The following CNNM2 variants were observed in gnomAD, a reference collection of about 807,000 sequenced individuals.
The protein encoded by CNNM2 is cyclin and CBS domain divalent metal cation transport mediator 2.
A neutral mutation model predicts 66.9 loss-of-function variants in CNNM2; 12 were observed. That is an observed-to-expected ratio of 0.18 (90% CI 0.11 to 0.29). CNNM2 has a LOEUF of 0.29. Ranked by LOEUF, CNNM2 falls within the 10% of genes least tolerant of loss-of-function variation. The pLI is 1.00. For synonymous variants in CNNM2, 557 were observed against 501.8 expected (o/e 1.11, Z -1.47); for missense variants, 705 against 1,167.7 (o/e 0.60, Z 5.77).
intron 1 of CNNM2, among the ~76,000 whole-genome samples, chr10:103,015,699 C>A (rs1419719899): frequency 6.6e-6 from 1 of 151,980 alleles, no homozygotes; most frequent in Non-Finnish European, 1.5e-5. Flanking sequence ...ACTAAAAATA[C>A]AAGATTAGCC....
rs1255657244 is a variant in CNNM2, at chr10:103,080,681, C to T, written c.*3501C>T. 1 of 152,190 alleles carries T rather than the reference C, an allele frequency of 6.6e-6. No individual in the cohort carries two copies. Among genetic ancestry groups the T allele is most frequent in the Non-Finnish European group, 1.5e-5 (1 of 68,038 alleles). 9.4% of individuals were successfully genotyped at this position (152,190 alleles called of 1,614,324 possible). A position where few individuals can be genotyped will look rare whatever the true frequency, so the allele number is the denominator to read the frequency against. ...TGCAGAGCTTCACACTAATACGGAACAGTAACTGTGAGTATATTTACCTGT... is the reference window on the plus strand; with the variant it reads ...TGCAGAGCTTCACACTAATACGGAATAGTAACTGTGAGTATATTTACCTGT... On this transcript the variant is annotated 3_prime_UTR_variant, in exon 8 of 8. Coordinates refer to ENST00000369878, the MANE Select transcript of CNNM2 (RefSeq NM_017649.5).
At chr10:102,932,328 G>A (rs544869779) in intron 1 of CNNM2, among the ~76,000 whole-genome samples, 26 of 152,116 alleles carry the variant, frequency 1.7e-4, no homozygotes, top group African/African-American at 5.8e-4. Flanking sequence ...GGGATTACAG[G>A]TGTGAGCCAC....
At chr10:102,991,132 G>A (rs977312233) in intron 1 of CNNM2, among the ~76,000 whole-genome samples, 10 of 152,208 alleles carry the variant, frequency 6.6e-5, no homozygotes, top group South Asian at 2.1e-4. Flanking sequence ...GATTACAGGC[G>A]TGTGCCACCA....
At chr10:102,998,741 G>T (rs989234634) in intron 1 of CNNM2, among the ~76,000 whole-genome samples, 1 of 152,250 alleles carries the variant, frequency 6.6e-6, no homozygotes, top group Admixed American at 6.5e-5. Flanking sequence ...TCTTTGGGAG[G>T]CAAAGCCAGT....
intron 1 of CNNM2, among the ~76,000 whole-genome samples, chr10:103,029,125 A>C (rs912510562): frequency 2.0e-5 from 3 of 149,320 alleles, no homozygotes; most frequent in Non-Finnish European, 4.4e-5. Flanking sequence ...CCCGGCCCCC[A>C]CTCCTATTTT....
intron 1 of CNNM2, among the ~76,000 whole-genome samples, chr10:102,962,291 C>T (rs1192170097): frequency 2.0e-5 from 3 of 151,998 alleles, no homozygotes; most frequent in African/African-American, 7.2e-5. Flanking sequence ...GTGTAACCAA[C>T]CTGCACATCC....
At chr10:102,951,640 CTTT>C (rs759271515) in intron 1 of CNNM2, among the ~76,000 whole-genome samples, 4 of 129,440 alleles carry the variant, frequency 3.1e-5, no homozygotes, top group Non-Finnish European at 5.0e-5. Context: ...TTTTTTTTTT[CTTT>C]TTTTTTTTTT....
At chr10:103,025,128 G>C (rs1454374523) in intron 1 of CNNM2, among the ~76,000 whole-genome samples, 1 of 152,148 alleles carries the variant, frequency 6.6e-6, no homozygotes, top group Admixed American at 6.5e-5. Context: ...GTCTCGCCCT[G>C]TCACCCAGGC....
At chr10:102,980,483 T>A (rs539928588) in intron 1 of CNNM2, among the ~76,000 whole-genome samples, 4 of 152,232 alleles carry the variant, frequency 2.6e-5, no homozygotes, top group Non-Finnish European at 5.9e-5. Flanking sequence ...TTATCCAAGC[T>A]GGTCTCGAAC....
At chr10:103,011,360 G>A (rs1564844267) in intron 1 of CNNM2, among the ~76,000 whole-genome samples, 2 of 152,148 alleles carry the variant, frequency 1.3e-5, no homozygotes, top group African/African-American at 4.8e-5. Flanking sequence ...GGCTGAGGCA[G>A]GAGAATCATT....
At chr10:102,933,727 G>A (rs938538906) in intron 1 of CNNM2, among the ~76,000 whole-genome samples, 1 of 151,888 alleles carries the variant, frequency 6.6e-6, no homozygotes, top group African/African-American at 2.4e-5. Flanking sequence ...TTTAAGACAG[G>A]GTCTCATTAG....
In CNNM2 at chr10:103,082,675, A is replaced by G. The variant is rs2065768423; in HGVS notation, c.*5495A>G. 6.6e-6 allele frequency: 1 copy of G among 152,100 alleles called. No homozygotes were observed. The highest frequency in any genetic ancestry group is 2.4e-5 in the African/African-American group (1 of 41,380). 9.4% of individuals were successfully genotyped at this position (152,100 alleles called of 1,614,324 possible). A position where few individuals can be genotyped will look rare whatever the true frequency, so the allele number is the denominator to read the frequency against. On this transcript the variant is annotated 3_prime_UTR_variant, in exon 8 of 8. Coordinates refer to ENST00000369878, the MANE Select transcript of CNNM2 (RefSeq NM_017649.5). ...GGGTGAGAGGGTAGTGTTGTTTTTTATAAACAGGTTGCTGCTTTTATGTTG... is the reference window on the plus strand; with the variant it reads ...GGGTGAGAGGGTAGTGTTGTTTTTTGTAAACAGGTTGCTGCTTTTATGTTG...
At chr10:102,991,466 C>T (rs764908350) in intron 1 of CNNM2, among the ~76,000 whole-genome samples, 3 of 152,146 alleles carry the variant, frequency 2.0e-5, no homozygotes, top group Non-Finnish European at 2.9e-5. Flanking sequence ...TTTAAGATTA[C>T]AGTATCTGAT....
In CNNM2 at chr10:103,086,796, T is replaced by G. The variant is rs1367203384; in HGVS notation, c.*9616T>G. ...TATGCTTATGGCAAGAGAAAAATCT[T>G]AGGTCTAAATAGAACCCTAAACTTT... On this transcript the variant is annotated 3_prime_UTR_variant, in exon 8 of 8. Transcript: ENST00000369878. 5 of 152,246 alleles carry G rather than the reference T, an allele frequency of 3.3e-5. No individual in the cohort carries two copies. Among genetic ancestry groups the G allele is most frequent in the Non-Finnish European group, 7.3e-5 (5 of 68,042 alleles). 9.4% of individuals were successfully genotyped at this position (152,246 alleles called of 1,614,324 possible).
chr10:102,974,709 A>G (rs183651083), intron 1 of CNNM2, among the ~76,000 whole-genome samples: 84 of 151,852 alleles, frequency 5.5e-4, no homozygotes, highest in Non-Finnish European at 1.0e-3. Context: ...AACTTTTAAA[A>G]TTTTTTTCAT....
rs1446720902 is a variant in CNNM2 at position 103,085,796 on chromosome 10, T to C, written c.*8616T>C. The C allele has an allele frequency of 6.6e-6, 1 of 152,226 alleles. No individual in the cohort carries two copies. Among genetic ancestry groups the C allele is most frequent in the Non-Finnish European group, 1.5e-5 (1 of 68,038 alleles). The allele number at this position is 152,226 out of a possible 1,614,324, so 9.4% of individuals were successfully genotyped here. On this transcript the variant is annotated 3_prime_UTR_variant, in exon 8 of 8. Coordinates refer to ENST00000369878, the MANE Select transcript of CNNM2 (RefSeq NM_017649.5). Reference sequence around the variant, plus strand: ...TACAGAGAAACTTCTGTATATATTTTATTTTTGAGATCACATACCTTTGTT... The same window carrying C: ...TACAGAGAAACTTCTGTATATATTTCATTTTTGAGATCACATACCTTTGTT...
At chr10:103,007,918 G>A (rs763309335) in intron 1 of CNNM2, among the ~76,000 whole-genome samples, 28 of 152,222 alleles carry the variant, frequency 1.8e-4, no homozygotes, top group Non-Finnish European at 2.9e-4. Context: ...ACTGATATAT[G>A]TCCGTATTAA....
intron 1 of CNNM2, among the ~76,000 whole-genome samples, chr10:102,983,641 A>T (rs981783539): frequency 6.6e-6 from 1 of 151,760 alleles, no homozygotes; most frequent in Non-Finnish European, 1.5e-5. Flanking sequence ...GGGTCTTTCT[A>T]TGTTGCCCAG....
chr10:103,007,822 G>A (rs903941112), intron 1 of CNNM2, among the ~76,000 whole-genome samples: 5 of 152,164 alleles, frequency 3.3e-5, no homozygotes, highest in Non-Finnish European at 4.4e-5. Flanking sequence ...CTGAGGTGAC[G>A]TACATCCTCA....
Sources: gnomAD v4.1 joint callset for allele counts (sites outside exome capture counted in the v4.1 genomes callset) on GRCh38, gnomAD v4.1.1 for gene constraint, MANE v1.5 for transcripts, NCBI Gene and HGNC (gene_info 2026-07-23, HGNC 2026-07-21) for gene names.